Variants in DGKB observed in about 807,000 individuals in gnomAD.
The protein encoded by DGKB is diacylglycerol kinase beta.
A neutral mutation model predicts 114.3 loss-of-function variants in DGKB; 67 were observed. That is an observed-to-expected ratio of 0.59 (90% confidence interval 0.48 to 0.72). DGKB has a LOEUF of 0.72. DGKB is among the 30% of genes least tolerant of loss of function. The pLI is 0.00. For synonymous variants in DGKB, 398 were observed against 323.1 expected, an observed-to-expected ratio of 1.23 and a Z score of -2.49; for missense variants, 907 against 975.2, an observed-to-expected ratio of 0.93 and a Z score of 0.93.
intron 4 of DGKB, chr7:14,750,136 G>A: frequency 1.9e-6 from 1 of 518,472 alleles, no homozygotes; most frequent in South Asian, 1.4e-5. Flanking sequence ...TCCTTAAATT[G>A]CCCAACACCA....
chr7:14,920,835 A>G (rs541537781), intron 1 of DGKB, among the ~76,000 whole-genome samples: 1 of 150,560 alleles, frequency 6.6e-6, no homozygotes, highest in African/African-American at 2.5e-5. Context: ...ATGAGCTATG[A>G]AGCCAAGGAA....
At chr7:14,438,333 C>G (rs147538916) in intron 21 of DGKB, among the ~76,000 whole-genome samples, 70 of 152,250 alleles carry the variant, frequency 4.6e-4, no homozygotes, top group African/African-American at 1.7e-3. Flanking sequence ...AGTTTTTTAA[C>G]AGTGCTACCA....
intron 9 of DGKB, among the ~76,000 whole-genome samples, chr7:14,688,739 G>A (rs1001442787): frequency 5.3e-5 from 8 of 152,122 alleles, no homozygotes; most frequent in African/African-American, 1.7e-4. Context: ...CAAGGCAAAG[G>A]GATGTTTCAA....
chr7:14,580,733 T>C (rs1799798862), intron 19 of DGKB, 129 bp downstream of exon 19: 1 of 517,430 alleles, frequency 1.9e-6, no homozygotes, highest in Non-Finnish European at 3.3e-6. Context: ...CAAAATCATA[T>C]ATTATATATA....
At chr7:14,323,698 A>G (rs1348408624) in intron 23 of DGKB, among the ~76,000 whole-genome samples, 1 of 152,178 alleles carries the variant, frequency 6.6e-6, no homozygotes, top group Non-Finnish European at 1.5e-5. Flanking sequence ...GTGTTTGATG[A>G]GTATCCGAAA....
chr7:14,887,348 G>C (rs1398737199), intron 1 of DGKB, among the ~76,000 whole-genome samples: 1 of 151,748 alleles, frequency 6.6e-6, no homozygotes, highest in Non-Finnish European at 1.5e-5. Flanking sequence ...CAGAGGCAGT[G>C]CGTTCTCTTG....
At chr7:14,675,613 C>T (rs1022521707) in intron 12 of DGKB, among the ~76,000 whole-genome samples, 1 of 151,382 alleles carries the variant, frequency 6.6e-6, no homozygotes, top group Non-Finnish European at 1.5e-5. Flanking sequence ...CCAAATAAAT[C>T]TAGTATGGGA....
intron 20 of DGKB, among the ~76,000 whole-genome samples, chr7:14,546,386 C>A (rs984723816): frequency 2.0e-5 from 3 of 152,076 alleles, no homozygotes; most frequent in African/African-American, 7.2e-5. Flanking sequence ...TCAACATTAT[C>A]TCTCCTCTTC....
intron 23 of DGKB, among the ~76,000 whole-genome samples, chr7:14,318,334 T>A (rs1207431106): frequency 2.0e-5 from 3 of 151,158 alleles, no homozygotes; most frequent in African/African-American, 2.4e-5. Context: ...GAAACTACCA[T>A]CAGAGTGAAC....
intron 20 of DGKB, among the ~76,000 whole-genome samples, chr7:14,511,584 T>C (rs1787986326): frequency 6.6e-6 from 1 of 152,222 alleles, no homozygotes. Flanking sequence ...TTTCACTTCA[T>C]AGTTCATGGG....
At chr7:14,922,261 A>G (rs1440427418) in intron 1 of DGKB, among the ~76,000 whole-genome samples, 1 of 152,064 alleles carries the variant, frequency 6.6e-6, no homozygotes, top group Non-Finnish European at 1.5e-5. Flanking sequence ...AGAGTAGGTG[A>G]TTAATTTAAT....
At chr7:14,506,233 A>C (rs1353310272) in intron 20 of DGKB, among the ~76,000 whole-genome samples, 1 of 152,174 alleles carries the variant, frequency 6.6e-6, no homozygotes, top group Non-Finnish European at 1.5e-5. Context: ...AAATCAATAG[A>C]TGTAAACTCA....
At chr7:14,321,321 C>T (rs972443685) in intron 23 of DGKB, among the ~76,000 whole-genome samples, 1 of 152,048 alleles carries the variant, frequency 6.6e-6, no homozygotes, top group Non-Finnish European at 1.5e-5. Context: ...TAATTCTCCA[C>T]ATTCACAGGA....
intron 8 of DGKB, among the ~76,000 whole-genome samples, chr7:14,696,518 A>G (rs1352065351): frequency 1.4e-5 from 2 of 148,060 alleles, no homozygotes; most frequent in Non-Finnish European, 3.0e-5. Context: ...AAAAAAAAAA[A>G]AAAAAAAAAA....
intron 20 of DGKB, among the ~76,000 whole-genome samples, chr7:14,487,660 T>C (rs760773698): frequency 5.2e-5 from 6 of 114,514 alleles, no homozygotes; most frequent in Non-Finnish European, 1.4e-4. Context: ...TTGGCTGCAG[T>C]GCAGTGCAAT....
At chr7:14,489,865 G>A (rs535164788) in intron 20 of DGKB, among the ~76,000 whole-genome samples, 146 of 152,214 alleles carry the variant, frequency 9.6e-4, no homozygotes, top group African/African-American at 3.3e-3. Context: ...TCTCAAAGGC[G>A]CGGGAGGATA....
intron 23 of DGKB, among the ~76,000 whole-genome samples, chr7:14,205,826 G>A (rs10275304): frequency 0.3 from 45,060 of 151,766 alleles, 8,930 homozygotes; most frequent in African/African-American, 0.54. Context: ...ACCTTACTAC[G>A]TATGGGAAGT....
chr7:14,548,654 G>A (rs1345806938), intron 20 of DGKB, among the ~76,000 whole-genome samples: 2 of 152,088 alleles, frequency 1.3e-5, no homozygotes, highest in Non-Finnish European at 2.9e-5. Flanking sequence ...GGCAGGCCCA[G>A]AACATGATAG....
chr7:14,225,335 C>A (rs533963938), intron 23 of DGKB, among the ~76,000 whole-genome samples: 1 of 152,112 alleles, frequency 6.6e-6, no homozygotes, highest in East Asian at 1.9e-4. Context: ...AATAGATTTT[C>A]TTGACTACAT....
Sources: allele counts gnomAD v4.1 joint callset (sites outside exome capture counted in the v4.1 genomes callset), GRCh38; gene constraint gnomAD v4.1.1; transcripts MANE v1.5; gene names NCBI Gene and HGNC (gene_info 2026-07-23, HGNC 2026-07-21).